MYH14: variants seen among roughly 807,000 people sequenced by gnomAD.
MYH14 encodes myosin-14.
In MYH14, 123 loss-of-function variants were observed where a neutral mutation model predicts 255.5. The observed-to-expected ratio is 0.48, with a 90% CI of 0.42 to 0.56. MYH14 has a LOEUF of 0.56. Among genes scored for constraint, MYH14 ranks in the 20% least tolerant of loss-of-function variants. The pLI is 0.00. For missense variants in MYH14, 2,423 were observed against 2,802.3 expected (o/e 0.86, Z 3.06); for synonymous variants, 1,095 against 1,161.2 (o/e 0.94, Z 1.16).
At position 50,231,930 on chromosome 19, in the gene MYH14, C is replaced by G. The variant is rs1167586773; in HGVS notation, c.974C>G (p.Ala325Gly). 3 of 1,613,940 alleles carry G rather than the reference C, an allele frequency of 1.9e-6. No homozygotes were observed. The East Asian group carries it at 6.7e-5, about 36-fold the overall frequency. ...TTGACCCCACTCATTGTCCCTGCAG[C>G]CGACCTCCTCCTCGAGCCCTGCTCC... is the stretch of plus-strand genomic sequence containing the variant. ...LLGGAGEQLK[A>G]DLLLEPCSHY... Residue 325 changes from alanine (A) to glycine (G), a missense_variant and splice_region_variant, in exon 10 of 43, where the codon GCC becomes GGC. Coordinates refer to ENST00000642316, the MANE Select transcript of MYH14 (RefSeq NM_001145809.2).
chr19:50,262,918 G>A (rs1222838693), intron 21 of MYH14, among the ~76,000 whole-genome samples: 1 of 151,874 alleles, frequency 6.6e-6, no homozygotes, highest in African/African-American at 2.4e-5. Context: ...AGCTTGGCTT[G>A]GTCAGGCATG....
At position 50,266,153 on chromosome 19, in the gene MYH14, C is replaced by T. The variant is rs1453646723; in HGVS notation, c.2695-724C>T. 6.6e-6 allele frequency among the ~76,000 whole-genome samples: 1 copy of T among 152,190 alleles called. No homozygotes were observed. On this transcript the variant is annotated intron_variant, in intron 22 of 42. Transcript: ENST00000642316. This position sits in a 1 kb window ranked among gnomAD's most constrained non-coding sequence, Gnocchi z 4.1. Reference sequence around the variant, plus strand: ...AGCAGATCTCACTTAGCAAGGGCGACGAGGTTTTGTGAAATTTTTGTTTCA... The same window carrying T: ...AGCAGATCTCACTTAGCAAGGGCGATGAGGTTTTGTGAAATTTTTGTTTCA...
rs10425766 is a variant in MYH14, at chr19:50,278,563, G to A, written c.4032+274G>A. The stretch of plus-strand genomic sequence containing the variant: ...AAAAAAAAAAATTTTAATTAGCCAG[G>A]TATGCTGGCATGTGCCTGTAGTCCC... On this transcript the variant is annotated intron_variant, in intron 30 of 42. Coordinates refer to ENST00000642316, the MANE Select transcript of MYH14 (RefSeq NM_001145809.2). Among the ~76,000 whole-genome samples, 2,604 of 152,016 alleles carry A rather than the reference G, an allele frequency of 0.017. 77 individuals carry two copies. Among genetic ancestry groups the A allele is most frequent in the African/African-American group, 0.059 (2,430 of 41,434 alleles).
rs557623554 is a variant in MYH14 at position 50,262,163 on chromosome 19, T to C, written c.2585+528T>C. Among the ~76,000 whole-genome samples, 4 of 152,098 alleles carry C rather than the reference T, an allele frequency of 2.6e-5. No individual in the cohort carries two copies. In the East Asian group the frequency reaches 7.8e-4, roughly 29 times the overall value. On this transcript the variant is annotated intron_variant, in intron 21 of 42. Transcript: ENST00000642316. ...GGATGAAGGAAAATGGGAAAGGTGATCAGGGCAGGAGCAAGCTTGTGCAAA... is the reference window on the plus strand; with the variant it reads ...GGATGAAGGAAAATGGGAAAGGTGACCAGGGCAGGAGCAAGCTTGTGCAAA...
chr19:50,277,968 A>C, intron 29 of MYH14, 115 bp from the exon 30 acceptor site: 1 of 680,884 alleles, frequency 1.5e-6, no homozygotes, highest in African/African-American at 1.9e-5. Context: ...GTTCACTGGG[A>C]GAAGTGTGTT....
rs142438863 is a variant in MYH14 at position 50,266,264 on chromosome 19, A to C, written c.2695-613A>C. 3.8e-3 allele frequency among the ~76,000 whole-genome samples: 586 copies of C among 152,344 alleles called. 9 individuals are homozygous for C. Among genetic ancestry groups the C allele is most frequent in the African/African-American group, 0.014 (565 of 41,588 alleles). On this transcript the variant is annotated intron_variant, in intron 22 of 42. Transcript: ENST00000642316. This position sits in a 1 kb window ranked among gnomAD's most constrained non-coding sequence, Gnocchi z 4.1. ...TAAGGACCTTGGACTAACAGGCTTAAGAAACACTGGCCTTTGGCCAGGCAT... is the reference window on the plus strand; with the variant it reads ...TAAGGACCTTGGACTAACAGGCTTACGAAACACTGGCCTTTGGCCAGGCAT...
At chr19:50,300,796 G>A (rs912725848) in intron 39 of MYH14, among the ~76,000 whole-genome samples, 3 of 152,060 alleles carry the variant, frequency 2.0e-5, no homozygotes, top group African/African-American at 4.8e-5. Flanking sequence ...GATGGTGTAC[G>A]CCTGTGATCT....
chr19:50,232,318 G>C (rs539183231), intron 10 of MYH14, among the ~76,000 whole-genome samples: 1 of 152,210 alleles, frequency 6.6e-6, no homozygotes, highest in Admixed American at 6.5e-5. Context: ...GCAGCTGGGC[G>C]CAGTGGCTCA....
chr19:50,210,182 T>A (rs1328697260), intron 1 of MYH14, among the ~76,000 whole-genome samples, 181 bp from the exon 2 acceptor site: 2 of 141,214 alleles, frequency 1.4e-5, no homozygotes, highest in East Asian at 4.3e-4. Context: ...AATGAATGAG[T>A]GCCTAGAGAG....
At chr19:50,244,373 C>A (rs765966775) in intron 11 of MYH14, 36 bp downstream of exon 11, 72 of 1,582,644 alleles carry the variant, frequency 4.5e-5, no homozygotes, top group Non-Finnish European at 5.7e-5. Flanking sequence ...CGACCTCCAG[C>A]CCCCGCCCAG....
intron 1 of MYH14, among the ~76,000 whole-genome samples, chr19:50,205,986 C>G (rs2031725577): frequency 6.6e-6 from 1 of 152,208 alleles, no homozygotes; most frequent in Non-Finnish European, 1.5e-5. Flanking sequence ...CGGCCCCTCC[C>G]AGGGCAGGTG....
At chr19:50,303,310 G>A (rs970845466) in intron 40 of MYH14, among the ~76,000 whole-genome samples, 3 of 152,060 alleles carry the variant, frequency 2.0e-5, no homozygotes, top group Non-Finnish European at 4.4e-5. Context: ...AACTCTTAAG[G>A]CTTTGCCTAG....
At chr19:50,237,685 A>G (rs1167474158) in intron 10 of MYH14, among the ~76,000 whole-genome samples, 8 of 152,130 alleles carry the variant, frequency 5.3e-5, no homozygotes, top group Admixed American at 4.6e-4. Flanking sequence ...GGGTGGCGCT[A>G]GTTTCCAGTT....
rs746217484 is a variant in MYH14, at chr19:50,278,178, G to C, written c.3921G>C (p.Glu1307Asp). Residue 1307 changes from glutamate (E) to aspartate (D), a missense_variant, in exon 30 of 43, where the codon GAG becomes GAC. By Grantham distance (45) the Glu-to-Asp change is conservative (BLOSUM62 2). Around this residue, in one of 3 missense-constraint regions of MYH14, gnomAD observed 1,513 missense variants for 1,674.8 expected, o/e 0.90. Transcript: ENST00000642316. Reference sequence around the variant, plus strand: ...GCAGCCTGCAGACTGCACGTCAGGAGGGTGAGCAGCGGAGGCGCCGCCTGG... The same window carrying C: ...GCAGCCTGCAGACTGCACGTCAGGACGGTGAGCAGCGGAGGCGCCGCCTGG... Reference protein sequence around the residue: ...ELSSLQTARQEGEQRRRRLEL... With the variant: ...ELSSLQTARQDGEQRRRRLEL... 6.2e-6 allele frequency: 10 copies of C among 1,612,764 alleles called. No homozygotes were observed. The African/African-American group carries it at 1.3e-4, about 22-fold the overall frequency.
chr19:50,294,145 G>C (rs557997873), intron 39 of MYH14, among the ~76,000 whole-genome samples: 61 of 152,276 alleles, frequency 4.0e-4, no homozygotes, highest in African/African-American at 1.4e-3. Context: ...GGGACCTGGA[G>C]ATGGTTAATA....
At chr19:50,220,585 T>G (rs2032769452) in intron 3 of MYH14, among the ~76,000 whole-genome samples, 1 of 151,850 alleles carries the variant, frequency 6.6e-6, no homozygotes, top group Non-Finnish European at 1.5e-5. Context: ...AGACAGAGTC[T>G]CACTCTGTCA....
intron 33 of MYH14, among the ~76,000 whole-genome samples, chr19:50,284,085 C>CAAAA (rs1289256025): frequency 8.6e-6 from 1 of 116,942 alleles, no homozygotes; most frequent in African/African-American, 3.9e-5. Context: ...AAAAACAAAA[C>CAAAA]AAAAAACAAA....
chr19:50,267,056 T>C (rs921264966), intron 23 of MYH14, 48 bp downstream of exon 23: 80 of 1,481,478 alleles, frequency 5.4e-5, no homozygotes, highest in Non-Finnish European at 6.9e-5. Context: ...GGGGTGGGGC[T>C]GTGTCGCATG....
chr19:50,236,838 G>A (rs2033680813), intron 10 of MYH14, among the ~76,000 whole-genome samples: 1 of 152,124 alleles, frequency 6.6e-6, no homozygotes, highest in Non-Finnish European at 1.5e-5. Flanking sequence ...TATTTAAACT[G>A]TGCAATTCCA....
Sources: allele counts gnomAD v4.1 joint callset (sites outside exome capture counted in the v4.1 genomes callset), GRCh38; gene constraint gnomAD v4.1.1; regional missense constraint gnomAD v4.1.1; non-coding constraint Gnocchi (gnomAD v3.1); transcripts MANE v1.5; gene names NCBI Gene and HGNC (gene_info 2026-07-23, HGNC 2026-07-21).